MAPK14: variants seen among roughly 807,000 people sequenced by gnomAD.
MAPK14 encodes the protein CSAID-binding protein.
Under a neutral mutation model 49.6 loss-of-function variants are expected in MAPK14, and 16 were observed. The observed-to-expected ratio is 0.32, with a 90% CI of 0.22 to 0.49. The LOEUF is 0.49. MAPK14 is among the 20% of genes least tolerant of loss of function. The probability of loss-of-function intolerance (pLI) is 0.99; values close to 1 mark genes in which losing one functional copy is unlikely to be tolerated. For missense variants in MAPK14, 200 were observed against 441.2 expected (o/e 0.45, Z 4.90); for synonymous variants, 142 against 158.0 (o/e 0.90, Z 0.76).
the MAPK14 span, among the ~76,000 whole-genome samples, chr6:36,120,426 CTA>C: frequency 6.6e-6 from 1 of 151,520 alleles, no homozygotes; most frequent in Non-Finnish European, 1.5e-5. Flanking sequence ...AGCACTTAGT[CTA>C]TATTTGTTAA....
chr6:36,074,601 A>T (rs1355809045), intron 6 of MAPK14, among the ~76,000 whole-genome samples: 1 of 152,038 alleles, frequency 6.6e-6, no homozygotes, highest in Non-Finnish European at 1.5e-5. Flanking sequence ...CACATTTATG[A>T]TAAAGACCAT....
intron 8 of MAPK14, among the ~76,000 whole-genome samples, chr6:36,086,169 G>C (rs886510576): frequency 6.6e-6 from 1 of 152,076 alleles, no homozygotes; most frequent in Non-Finnish European, 1.5e-5. Flanking sequence ...TAAGAGGGAA[G>C]TTTATAGCAC....
At chr6:36,071,484 C>A (rs1044422904) in intron 3 of MAPK14, among the ~76,000 whole-genome samples, 5 of 152,120 alleles carry the variant, frequency 3.3e-5, no homozygotes, top group Non-Finnish European at 7.4e-5. Flanking sequence ...CCTAATCTTA[C>A]CACATAAAGA....
intron 8 of MAPK14, among the ~76,000 whole-genome samples, chr6:36,082,374 C>A (rs936339295): frequency 3.7e-4 from 57 of 152,166 alleles, no homozygotes; most frequent in African/African-American, 1.3e-3. Flanking sequence ...TTCATAAATG[C>A]CCTTTATCAT....
Position 36,108,588 on chromosome 6 carries a change from G to A in MAPK14, c.*141G>A, listed in dbSNP as rs201339808. On this transcript the variant is annotated 3_prime_UTR_variant, in exon 12 of 12. Transcript: ENST00000229794. ...AGGGGGTGTGCGTGCGTGTGCGTGC[G>A]TGTTAGTGTGTGTGCATGTGTGTGT... 1.9e-5 allele frequency: 13 copies of A among 676,546 alleles called. No individual in the cohort carries two copies. Among genetic ancestry groups the A allele is most frequent in the African/African-American group, 1.8e-4 (10 of 56,564 alleles). 41.9% of individuals were successfully genotyped at this position (676,546 alleles called of 1,614,324 possible). A position where few individuals can be genotyped will look rare whatever the true frequency, so the allele number is the denominator to read the frequency against.
chr6:36,055,207 C>G (rs1017199019), intron 2 of MAPK14, among the ~76,000 whole-genome samples: 5 of 152,186 alleles, frequency 3.3e-5, no homozygotes, highest in African/African-American at 1.2e-4. Context: ...CCTTTGCTGT[C>G]TGGGCAGACA....
intron 1 of MAPK14, among the ~76,000 whole-genome samples, chr6:36,049,397 G>C (rs916039908): frequency 3.0e-4 from 45 of 152,218 alleles, no homozygotes; most frequent in African/African-American, 1.0e-3. Flanking sequence ...TGTCAATGCT[G>C]CCGGTCCATG....
At chr6:36,075,022 A>G (rs1764467009) in intron 6 of MAPK14, among the ~76,000 whole-genome samples, 1 of 151,678 alleles carries the variant, frequency 6.6e-6, no homozygotes, top group South Asian at 2.1e-4. Flanking sequence ...GTCAGGAGAT[A>G]GAGACCATCT....
chr6:36,064,632 A>T (rs566831801), intron 3 of MAPK14, among the ~76,000 whole-genome samples: 49 of 152,358 alleles, frequency 3.2e-4, no homozygotes, highest in African/African-American at 1.2e-3. Flanking sequence ...TGCTCAACTA[A>T]TAAGTTTAGC....
chr6:36,038,361 C>T (rs1163819640), intron 1 of MAPK14, among the ~76,000 whole-genome samples: 1 of 152,100 alleles, frequency 6.6e-6, no homozygotes, highest in Non-Finnish European at 1.5e-5. Context: ...CTAAATGAAC[C>T]AGGGGCCAAA....
At chr6:36,081,710 T>G (rs1460263767) in intron 8 of MAPK14, among the ~76,000 whole-genome samples, 1 of 152,206 alleles carries the variant, frequency 6.6e-6, no homozygotes, top group African/African-American at 2.4e-5. Context: ...TCAAGATTGC[T>G]TTGACTATTC....
At chr6:36,039,794 C>A (rs904013849) in intron 1 of MAPK14, among the ~76,000 whole-genome samples, 2 of 152,006 alleles carry the variant, frequency 1.3e-5, no homozygotes, top group African/African-American at 4.8e-5. Context: ...CACTTGAGGT[C>A]AGGAGTTTGA....
At chr6:36,053,641 A>G (rs926770622) in intron 2 of MAPK14, among the ~76,000 whole-genome samples, 2 of 152,348 alleles carry the variant, frequency 1.3e-5, no homozygotes, top group African/African-American at 4.8e-5. Flanking sequence ...CAATGGCCAT[A>G]GAGATTTCAA....
chr6:36,075,765 T>C, intron 6 of MAPK14, 83 bp from the exon 7 acceptor site: 1 of 1,584,072 alleles, frequency 6.3e-7, no homozygotes, highest in Non-Finnish European at 8.6e-7. Flanking sequence ...CAACAGAGGT[T>C]TGTTTGTTGT....
At chr6:36,065,507 GGTGTGTGTGTGTGTGTGTGT>G (rs386358922) in intron 3 of MAPK14, among the ~76,000 whole-genome samples, 4 of 122,454 alleles carry the variant, frequency 3.3e-5, no homozygotes, top group East Asian at 2.3e-4. Context: ...GGGCAGAAAA[GGTGTGTGTGTGTGTGTGTGT>G]GTGTGTGTGT....
rs77522685 is a variant in MAPK14 at position 36,046,045 on chromosome 6, G to A, written c.117-6654G>A. Among the ~76,000 whole-genome samples, 1,078 of 152,186 alleles carry A rather than the reference G, an allele frequency of 7.1e-3. 18 individuals are homozygous for A. Among genetic ancestry groups the A allele is most frequent in the African/African-American group, 0.024 (1,004 of 41,500 alleles). On this transcript the variant is annotated intron_variant, in intron 1 of 11. Coordinates refer to ENST00000229794, the MANE Select transcript of MAPK14 (RefSeq NM_139012.3). ...GAATCTAGTAACCCACATTTTCTAT[G>A]TGTGTGTGACACAAGGGGAGGCAAG...
In MAPK14 at chr6:36,090,330, C is replaced by CT. The variant is rs1040914475; in HGVS notation, c.683-5646dup. Among the ~76,000 whole-genome samples the CT allele has an allele frequency of 6.7e-3, 974 of 146,142 alleles. 10 individuals are homozygous for CT. The highest frequency in any genetic ancestry group is 0.019 in the African/African-American group (767 of 39,978). ...CAGTCATTGGTTTCAAATACTCTTT[C>CT]TTTTTTTTTTTGAGATGGAGTCTCA... On this transcript the variant is annotated intron_variant, in intron 8 of 11. Coordinates refer to ENST00000229794, the MANE Select transcript of MAPK14 (RefSeq NM_139012.3).
rs567564310 is a variant in MAPK14, at chr6:36,060,128, GTA to G, written c.305+785_305+786del. ...AGGAAAGGAGAGAAAGCTTCTATGA[GTA>G]TATGTTGAGTTGGTCACCACTATGG... On this transcript the variant is annotated intron_variant, in intron 3 of 11. Coordinates refer to ENST00000229794, the MANE Select transcript of MAPK14 (RefSeq NM_139012.3). Among the ~76,000 whole-genome samples the G allele has an allele frequency of 1.7e-3, 259 of 152,294 alleles. 1 individual carries two copies. Among genetic ancestry groups the G allele is most frequent in the Non-Finnish European group, 2.3e-3 (157 of 68,028 alleles).
intron 9 of MAPK14, among the ~76,000 whole-genome samples, chr6:36,101,945 G>A (rs1765653757): frequency 6.6e-6 from 1 of 152,194 alleles, no homozygotes; most frequent in Non-Finnish European, 1.5e-5. Flanking sequence ...GCTTCTGAAG[G>A]TGATAGTGGG....
Sources: gnomAD v4.1 joint callset for allele counts (sites outside exome capture counted in the v4.1 genomes callset) on GRCh38, gnomAD v4.1.1 for gene constraint, MANE v1.5 for transcripts, NCBI Gene and HGNC (gene_info 2026-07-23, HGNC 2026-07-21) for gene names.